GRM7: variants seen among roughly 807,000 people sequenced by gnomAD.
GRM7 encodes glutamate metabotropic receptor 7, also known as metabotropic glutamate receptor 7.
A neutral mutation model predicts 84.5 loss-of-function variants in GRM7; 35 were observed. The ratio of observed to expected loss-of-function variants is 0.41; its 90% CI spans 0.32 to 0.55. GRM7 has a LOEUF of 0.55. Among genes scored for constraint, GRM7 ranks in the 20% least tolerant of loss-of-function variants. The pLI is 0.19. For missense variants in GRM7, 1,003 were observed against 1,194.6 expected (o/e 0.84, Z 2.36); for synonymous variants, 487 against 455.1 (o/e 1.07, Z -0.89).
intron 9 of GRM7, among the ~76,000 whole-genome samples, chr3:7,728,826 G>C (rs946030571): frequency 2.0e-5 from 3 of 152,234 alleles, no homozygotes; most frequent in Admixed American, 1.3e-4. Context: ...ACACCACATG[G>C]TGTTGGTGAA....
intron 1 of GRM7, among the ~76,000 whole-genome samples, chr3:6,917,677 G>T (rs1455974848): frequency 6.6e-6 from 1 of 152,058 alleles, no homozygotes; most frequent in Non-Finnish European, 1.5e-5. Flanking sequence ...CCTCAGGAAA[G>T]TATTTCTCCT....
chr3:7,110,997 G>A (rs1257010574), intron 1 of GRM7, among the ~76,000 whole-genome samples: 1 of 152,072 alleles, frequency 6.6e-6, no homozygotes, highest in Non-Finnish European at 1.5e-5. Flanking sequence ...GGGAAGGAGA[G>A]ATGGCATAGA....
At chr3:7,330,584 G>A (rs1294122010) in intron 4 of GRM7, among the ~76,000 whole-genome samples, 1 of 152,106 alleles carries the variant, frequency 6.6e-6, no homozygotes, top group East Asian at 1.9e-4. Flanking sequence ...TGTTCTTGTG[G>A]TAGTGAATAA....
intron 1 of GRM7, among the ~76,000 whole-genome samples, chr3:6,944,267 A>G (rs1697984616): frequency 6.6e-6 from 1 of 152,110 alleles, no homozygotes; most frequent in African/African-American, 2.4e-5. Context: ...TCTTAGAGAA[A>G]AGACTTTCAA....
chr3:7,658,911 A>G (rs1699315933), intron 8 of GRM7, among the ~76,000 whole-genome samples: 1 of 152,216 alleles, frequency 6.6e-6, no homozygotes, highest in Admixed American at 6.5e-5. Flanking sequence ...ACGTTTTTGA[A>G]AGGTGAATAC....
At chr3:7,582,007 G>A (rs1363826078) in intron 8 of GRM7, among the ~76,000 whole-genome samples, 1 of 152,072 alleles carries the variant, frequency 6.6e-6, no homozygotes, top group Non-Finnish European at 1.5e-5. Flanking sequence ...GGATGGAAGT[G>A]GTGAACTTTA....
intron 2 of GRM7, among the ~76,000 whole-genome samples, chr3:7,290,934 A>G (rs1187838490): frequency 6.6e-6 from 1 of 151,982 alleles, no homozygotes; most frequent in Non-Finnish European, 1.5e-5. Flanking sequence ...CAGTACCTCT[A>G]TCACCAAAAT....
chr3:6,967,839 CCAT>C (rs1693587701), intron 1 of GRM7, among the ~76,000 whole-genome samples: 1 of 152,194 alleles, frequency 6.6e-6, no homozygotes, highest in African/African-American at 2.4e-5. Context: ...ACCTGGCTGC[CCAT>C]CAGAATGCCC....
chr3:7,182,369 T>C (rs1695369095), intron 2 of GRM7, among the ~76,000 whole-genome samples: 1 of 152,204 alleles, frequency 6.6e-6, no homozygotes, highest in Admixed American at 6.5e-5. Context: ...TTGCAAATTT[T>C]TCTCCCTCTG....
At chr3:7,025,744 T>C (rs372536191) in intron 1 of GRM7, among the ~76,000 whole-genome samples, 5 of 152,314 alleles carry the variant, frequency 3.3e-5, no homozygotes, top group African/African-American at 9.6e-5. Context: ...TTGTGTTCTT[T>C]TAGAAGCCTC....
intron 4 of GRM7, among the ~76,000 whole-genome samples, chr3:7,336,557 A>G (rs115791097): frequency 0.02 from 2,998 of 152,200 alleles, 54 homozygotes; most frequent in Non-Finnish European, 0.03. Context: ...ATTAGACAAG[A>G]GAAGGAAATA....
chr3:7,121,499 C>T (rs578093637), intron 1 of GRM7, among the ~76,000 whole-genome samples: 1 of 152,150 alleles, frequency 6.6e-6, no homozygotes, highest in African/African-American at 2.4e-5. Flanking sequence ...TCATTGAAAC[C>T]TATGCCCCAT....
At chr3:7,248,986 A>T (rs988329840) in intron 2 of GRM7, among the ~76,000 whole-genome samples, 1 of 152,188 alleles carries the variant, frequency 6.6e-6, no homozygotes, top group Non-Finnish European at 1.5e-5. Context: ...ATAAATATAG[A>T]TCAGTAGACA....
chr3:7,246,012 TAACTG>T (rs777253671), intron 2 of GRM7, among the ~76,000 whole-genome samples: 1 of 152,168 alleles, frequency 6.6e-6, no homozygotes, highest in East Asian at 1.9e-4. Context: ...ATAATGTAAA[TAACTG>T]AAGAGATAGA....
intron 4 of GRM7, among the ~76,000 whole-genome samples, chr3:7,349,010 T>C (rs1693015931): frequency 6.6e-6 from 1 of 151,894 alleles, no homozygotes; most frequent in Non-Finnish European, 1.5e-5. Flanking sequence ...AACGGAGGGG[T>C]TATAAAACGT....
intron 1 of GRM7, among the ~76,000 whole-genome samples, chr3:7,090,146 A>G (rs1165566500): frequency 6.6e-6 from 1 of 152,174 alleles, no homozygotes; most frequent in Non-Finnish European, 1.5e-5. Flanking sequence ...CCCAGCCTTA[A>G]ATTAATATTG....
chr3:6,956,768 T>C (rs746681643), intron 1 of GRM7: 5 of 381,950 alleles, frequency 1.3e-5, no homozygotes, highest in African/African-American at 2.1e-5. Context: ...TTTAGAGTGT[T>C]ACTATGTCTT....
intron 8 of GRM7, among the ~76,000 whole-genome samples, chr3:7,588,678 C>A (rs73809437): frequency 0.025 from 3,800 of 152,242 alleles, 129 homozygotes; most frequent in African/African-American, 0.081. Context: ...CATGCCACTA[C>A]ACTAGCACTT....
intron 4 of GRM7, among the ~76,000 whole-genome samples, chr3:7,318,569 T>A (rs1700663454): frequency 6.6e-6 from 1 of 152,034 alleles, no homozygotes; most frequent in African/African-American, 2.4e-5. Context: ...TTGAAGGGGT[T>A]TTTTAAATGT....
Sources: allele counts gnomAD v4.1 joint callset (sites outside exome capture counted in the v4.1 genomes callset), GRCh38; gene constraint gnomAD v4.1.1; transcripts MANE v1.5; gene names NCBI Gene and HGNC (gene_info 2026-07-23, HGNC 2026-07-21).